SPAAR: variants seen among roughly 807,000 people sequenced by gnomAD.
SPAAR encodes small regulatory polypeptide of amino acid response.
For missense variants in SPAAR, 59 were observed against 39.9 expected, an observed-to-expected ratio of 1.48 and a Z score of -1.29; for synonymous variants, 27 against 15.9, an observed-to-expected ratio of 1.70 and a Z score of -1.66.
chr9:35,910,609 G>T lies in SPAAR; in HGVS notation c.146G>T (p.Arg49Leu). The change falls in exon 2 of 2, where the codon CGC becomes CTC. Residue 49 changes from arginine (R) to leucine (L), a missense_variant. Arg to Leu is a moderately radical substitution (Grantham distance 102). Coordinates refer to ENST00000443779, the MANE Select transcript of SPAAR (RefSeq NM_001348107.3). ...PGRSFTVATF[R>L]QEASLFTGPV... ...CGCAGCTTCACGGTGGCCACGTTTC[G>T]CCAGGAAGCTTCTCTCTTCACGGGG... 1.4e-6 allele frequency: 1 copy of T among 702,886 alleles called. No individual in the cohort carries two copies. Among genetic ancestry groups the T allele is most frequent in the African/African-American group, 1.7e-5 (1 of 57,322 alleles). 43.5% of individuals were successfully genotyped at this position (702,886 alleles called of 1,614,324 possible).
Position 35,910,310 on chromosome 9 carries a change from T to C in SPAAR, c.-154T>C, listed in dbSNP as rs900556536. 8.1e-6 allele frequency: 5 copies of C among 615,272 alleles called. No individual in the cohort carries two copies. In the African/African-American group the frequency reaches 9.2e-5, roughly 11 times the overall value. 38.1% of individuals were successfully genotyped at this position (615,272 alleles called of 1,614,324 possible). ...GGCCACGTGGCAGCGCCCGAAGGCC[T>C]GGAGCAGGAGCGACCCAGGGACTCA... On this transcript the variant is annotated 5_prime_UTR_variant, in exon 2 of 2. Transcript: ENST00000443779.
rs573026904 is a variant in SPAAR, at chr9:35,910,368, C to T, written c.-96C>T. 7 of 679,816 alleles carry T rather than the reference C, an allele frequency of 1.0e-5. No homozygotes were observed. In the African/African-American group the frequency reaches 1.1e-4, roughly 10 times the overall value. 42.1% of individuals were successfully genotyped at this position (679,816 alleles called of 1,614,324 possible). ...ATCTTCTTAGGAGACGGAAGGAGAGCCGCCGGAGGAGCACGGGGCACCTGC... is the reference window on the plus strand; with the variant it reads ...ATCTTCTTAGGAGACGGAAGGAGAGTCGCCGGAGGAGCACGGGGCACCTGC... On this transcript the variant is annotated 5_prime_UTR_variant, in exon 2 of 2. Transcript: ENST00000443779.
chr9:35,909,962 T>C (rs368330669), intron 1 of SPAAR, 195 bp from the exon 2 acceptor site: 3 of 158,292 alleles, frequency 1.9e-5, no homozygotes, highest in African/African-American at 7.2e-5. Context: ...GATAGGCCAA[T>C]TGAAGGACTG....
In SPAAR at chr9:35,910,513, T is replaced by C; in HGVS notation, c.50T>C (p.Val17Ala). ...GTGGTGGTGCTGTTCGTGGTGACTG[T>C]GGCCATCACCTGCGTCCTCTGCTGC... ...GVVVVLFVVTVAITCVLCCFS... is the reference protein window; with the variant it reads ...GVVVVLFVVTAAITCVLCCFS... The change falls in exon 2 of 2, where the codon GTG (valine) becomes GCG (alanine). Residue 17 changes from valine to alanine, a missense_variant. By Grantham distance (64) the Val-to-Ala change is moderately conservative (BLOSUM62 0). Transcript: ENST00000443779. The C allele has an allele frequency of 2.8e-6, 2 of 702,918 alleles. No individual in the cohort carries two copies. Among genetic ancestry groups the C allele is most frequent in the Non-Finnish European group, 5.2e-6 (2 of 384,958 alleles). 43.5% of individuals were successfully genotyped at this position (702,918 alleles called of 1,614,324 possible).
Position 35,910,223 on chromosome 9 carries a change from T to C in SPAAR, c.-241T>C, listed in dbSNP as rs1024932319. ...AAGCTGACATGGAGCTGACCACAGC[T>C]CTTGGAGGCATGGCCTGAGGCTTAG... On this transcript the variant is annotated 5_prime_UTR_variant, in exon 2 of 2. Coordinates refer to ENST00000443779, the MANE Select transcript of SPAAR (RefSeq NM_001348107.3). 1.7e-6 allele frequency: 1 copy of C among 572,794 alleles called. No homozygotes were observed. Among genetic ancestry groups the C allele is most frequent in the Admixed American group, 3.0e-5 (1 of 32,820 alleles). The allele number at this position is 572,794 out of a possible 1,614,324, so 35.5% of individuals were successfully genotyped here.
Position 35,910,958 on chromosome 9 carries a change from A to G in SPAAR, c.*267A>G, listed in dbSNP as rs551168470. 1.2e-4 allele frequency: 50 copies of G among 428,746 alleles called. No homozygotes were observed. Among genetic ancestry groups the G allele is most frequent in the Admixed American group, 6.0e-4 (15 of 25,200 alleles). The allele number at this position is 428,746 out of a possible 1,614,324, so 26.6% of individuals were successfully genotyped here. A position where few individuals can be genotyped will look rare whatever the true frequency, so the allele number is the denominator to read the frequency against. The stretch of plus-strand genomic sequence containing the variant: ...GAGTGAACAGACAGCGCCGGAGTGC[A>G]CGGTGGGCCGGCTCTGCTGATCTAC... On this transcript the variant is annotated 3_prime_UTR_variant, in exon 2 of 2. Transcript: ENST00000443779.
intron 1 of SPAAR, chr9:35,909,938 C>G (rs1463790718): frequency 1.3e-5 from 2 of 156,846 alleles, no homozygotes; most frequent in African/African-American, 4.8e-5. Flanking sequence ...GGGCCAGGGG[C>G]TGGGGAGGCA....
At position 35,910,946 on chromosome 9, in the gene SPAAR, G is replaced by GTAACTTTTTTAATGATA; in HGVS notation, c.*255_*256insTAACTTTTTTAATGATA. 2.2e-6 allele frequency: 1 copy of GTAACTTTTTTAATGATA among 452,646 alleles called. No individual in the cohort carries two copies. The highest frequency in any genetic ancestry group is 3.5e-5 in the South Asian group (1 of 28,308). 28.0% of individuals were successfully genotyped at this position (452,646 alleles called of 1,614,324 possible). A position where few individuals can be genotyped will look rare whatever the true frequency, so the allele number is the denominator to read the frequency against. On this transcript the variant is annotated 3_prime_UTR_variant, in exon 2 of 2. Coordinates refer to ENST00000443779, the MANE Select transcript of SPAAR (RefSeq NM_001348107.3). ...GCTCTGAGGAGTGAGTGAACAGACAGCGCCGGAGTGCACGGTGGGCCGGCT... is the reference window on the plus strand; with the variant it reads ...GCTCTGAGGAGTGAGTGAACAGACAGTAACTTTTTTAATGATACGCCGGAGTGCACGGTGGGCCGGCT...
chr9:35,910,492 T>C lies in SPAAR; in HGVS notation c.29T>C (p.Val10Ala). ...GAAACGGCAGTGATTGGGGTGGTGG[T>C]GGTGCTGTTCGTGGTGACTGTGGCC... is the stretch of plus-strand genomic sequence containing the variant. METAVIGVV[V>A]VLFVVTVAIT... Residue 10 changes from valine to alanine, a missense_variant, in exon 2 of 2, where the codon GTG becomes GCG. Val to Ala is a moderately conservative substitution (Grantham distance 64). Coordinates refer to ENST00000443779, the MANE Select transcript of SPAAR (RefSeq NM_001348107.3). 1.4e-6 allele frequency: 1 copy of C among 702,986 alleles called. No homozygotes were observed. The highest frequency in any genetic ancestry group is 2.6e-6 in the Non-Finnish European group (1 of 384,984). The allele number at this position is 702,986 out of a possible 1,614,324, so 43.5% of individuals were successfully genotyped here.
At position 35,910,528 on chromosome 9, in the gene SPAAR, T is replaced by A. The variant is rs1389533351; in HGVS notation, c.65T>A (p.Val22Asp). 5 of 702,832 alleles carry A rather than the reference T, an allele frequency of 7.1e-6. No individual in the cohort carries two copies. Among genetic ancestry groups the A allele is most frequent in the Admixed American group, 2.0e-5 (1 of 50,000 alleles). 43.5% of individuals were successfully genotyped at this position (702,832 alleles called of 1,614,324 possible). A position where few individuals can be genotyped will look rare whatever the true frequency, so the allele number is the denominator to read the frequency against. ...GTGGTGACTGTGGCCATCACCTGCG[T>A]CCTCTGCTGCTTCAGCTGTGACTCA... ...LFVVTVAITC[V>D]LCCFSCDSRA... The change falls in exon 2 of 2, where the codon GTC (valine) becomes GAC (aspartate). Residue 22 changes from valine (V) to aspartate (D), a missense_variant. Coordinates refer to ENST00000443779, the MANE Select transcript of SPAAR (RefSeq NM_001348107.3).
intron 1 of SPAAR, among the ~76,000 whole-genome samples, chr9:35,909,857 G>A (rs1033582456): frequency 6.6e-5 from 10 of 152,150 alleles, no homozygotes; most frequent in Admixed American, 1.3e-4. Flanking sequence ...GGGGTGACCC[G>A]TGAGTGTCCC....
At position 35,911,153 on chromosome 9, in the gene SPAAR, T is replaced by A. The variant is rs1833163030; in HGVS notation, c.*462T>A. ...TTGCACAGAACCCAACCTCGAGGCC[T>A]GCTCCCTGCCAGTTGCCTGAAATCA... On this transcript the variant is annotated 3_prime_UTR_variant, in exon 2 of 2. Coordinates refer to ENST00000443779, the MANE Select transcript of SPAAR (RefSeq NM_001348107.3). 6.5e-6 allele frequency: 1 copy of A among 154,918 alleles called. No individual in the cohort carries two copies. Among genetic ancestry groups the A allele is most frequent in the Non-Finnish European group, 1.4e-5 (1 of 69,976 alleles). 9.6% of individuals were successfully genotyped at this position (154,918 alleles called of 1,614,324 possible).
At chr9:35,909,671 T>A (rs1564067540) in intron 1 of SPAAR, 107 bp downstream of exon 1, 1 of 152,586 alleles carries the variant, frequency 6.6e-6, no homozygotes, top group Non-Finnish European at 1.5e-5. Context: ...GGCCGGCATC[T>A]AAGAAGGCTC....
chr9:35,909,855 C>T (rs748803), intron 1 of SPAAR, among the ~76,000 whole-genome samples: 37,145 of 152,050 alleles, frequency 0.24, 4,737 homozygotes, highest in Middle Eastern at 0.35. Flanking sequence ...CTGGGGTGAC[C>T]CGTGAGTGTC....
At position 35,910,361 on chromosome 9, in the gene SPAAR, AG is replaced by A; in HGVS notation, c.-101del. Reference sequence around the variant, plus strand: ...GAGCAGCATCTTCTTAGGAGACGGAAGGAGAGCCGCCGGAGGAGCACGGGGC... The same window carrying A: ...GAGCAGCATCTTCTTAGGAGACGGAAGAGAGCCGCCGGAGGAGCACGGGGC... On this transcript the variant is annotated 5_prime_UTR_variant, in exon 2 of 2. Transcript: ENST00000443779. The A allele has an allele frequency of 1.5e-6, 1 of 676,260 alleles. No homozygotes were observed. Among genetic ancestry groups the A allele is most frequent in the East Asian group, 2.7e-5 (1 of 37,114 alleles). 41.9% of individuals were successfully genotyped at this position (676,260 alleles called of 1,614,324 possible). A position where few individuals can be genotyped will look rare whatever the true frequency, so the allele number is the denominator to read the frequency against.
At position 35,910,656 on chromosome 9, in the gene SPAAR, G is replaced by A; in HGVS notation, c.193G>A (p.Val65Met). The stretch of plus-strand genomic sequence containing the variant: ...GGGGCCTGTTCGCCATGCCCAGCCA[G>A]TGCCAAGTGCCCAGGACTTCTGGAC... ...FTGPVRHAQPVPSAQDFWTFM is the reference protein window; with the variant it reads ...FTGPVRHAQPMPSAQDFWTFM The change falls in exon 2 of 2, where the codon GTG becomes ATG. Residue 65 changes from valine to methionine, a missense_variant. Coordinates refer to ENST00000443779, the MANE Select transcript of SPAAR (RefSeq NM_001348107.3). The A allele has an allele frequency of 1.4e-6, 1 of 702,400 alleles. No individual in the cohort carries two copies. The highest frequency in any genetic ancestry group is 2.3e-4 in the Middle Eastern group (1 of 4,366). 43.5% of individuals were successfully genotyped at this position (702,400 alleles called of 1,614,324 possible).
rs940876773 is a variant in SPAAR, at chr9:35,910,730, A to C, written c.*39A>C. On this transcript the variant is annotated 3_prime_UTR_variant, in exon 2 of 2. Coordinates refer to ENST00000443779, the MANE Select transcript of SPAAR (RefSeq NM_001348107.3). ...AGGATTTGCTGTGCTGATGGGTCAG[A>C]CTCACCCGCTCCTCAGCAAGCCTTC... The C allele has an allele frequency of 3.1e-6, 2 of 650,944 alleles. No homozygotes were observed. The highest frequency in any genetic ancestry group is 5.6e-6 in the Non-Finnish European group (2 of 358,410). The allele number at this position is 650,944 out of a possible 1,614,324, so 40.3% of individuals were successfully genotyped here. A position where few individuals can be genotyped will look rare whatever the true frequency, so the allele number is the denominator to read the frequency against.
At position 35,910,847 on chromosome 9, in the gene SPAAR, G is replaced by T. The variant is rs1833158703; in HGVS notation, c.*156G>T. On this transcript the variant is annotated 3_prime_UTR_variant, in exon 2 of 2. Coordinates refer to ENST00000443779, the MANE Select transcript of SPAAR (RefSeq NM_001348107.3). ...GTCTCCTCCCATTCCAGCCTTCTGTGCCCTCCAGCCTCAGGGATCCTTGTT... is the reference window on the plus strand; with the variant it reads ...GTCTCCTCCCATTCCAGCCTTCTGTTCCCTCCAGCCTCAGGGATCCTTGTT... 6 of 601,050 alleles carry T rather than the reference G, an allele frequency of 1.0e-5. No individual in the cohort carries two copies. The highest frequency in any genetic ancestry group is 1.5e-5 in the Non-Finnish European group (5 of 338,268). The allele number at this position is 601,050 out of a possible 1,614,324, so 37.2% of individuals were successfully genotyped here.
rs1588213861 is a variant in SPAAR, at chr9:35,910,485, G to T, written c.22G>T (p.Val8Leu). Residue 8 changes from valine to leucine, a missense_variant, in exon 2 of 2, where the codon GTG becomes TTG. Physicochemically the swap from Val to Leu is conservative, Grantham distance 32 (BLOSUM62 1). Transcript: ENST00000443779. METAVIG[V>L]VVVLFVVTVA... ...GGCCATGGAAACGGCAGTGATTGGG[G>T]TGGTGGTGGTGCTGTTCGTGGTGAC... The T allele has an allele frequency of 1.4e-6, 1 of 703,060 alleles. No homozygotes were observed. The allele number at this position is 703,060 out of a possible 1,614,324, so 43.6% of individuals were successfully genotyped here.
Sources: gnomAD v4.1 joint callset for allele counts (sites outside exome capture counted in the v4.1 genomes callset) on GRCh38, gnomAD v4.1.1 for gene constraint, MANE v1.5 for transcripts, NCBI Gene and HGNC (gene_info 2026-07-23, HGNC 2026-07-21) for gene names.